The following SUCLG2 variants were observed in gnomAD, a reference collection of about 807,000 sequenced individuals.
The protein encoded by SUCLG2 is succinate--CoA ligase [GDP-forming] subunit beta, mitochondrial.
In SUCLG2, 42 loss-of-function variants were observed where a neutral mutation model predicts 47.9. That is an observed-to-expected ratio of 0.88 (90% CI 0.69 to 1.14). The LOEUF is 1.14. SUCLG2 is among the 50% of genes most tolerant of loss of function. The pLI, the probability that SUCLG2 is intolerant of heterozygous loss-of-function variation, is 0.00. For missense variants in SUCLG2, 571 were observed against 525.9 expected (o/e 1.09, Z -0.84); for synonymous variants, 195 against 197.3 (o/e 0.99, Z 0.10).
Position 67,375,489 on chromosome 3 carries a change from A to C in SUCLG2, c.*255T>G. The C allele has an allele frequency of 8.5e-7, 1 of 1,175,252 alleles. No individual in the cohort carries two copies. Among genetic ancestry groups the C allele is most frequent in the Non-Finnish European group, 1.1e-6 (1 of 948,878 alleles). 72.8% of individuals were successfully genotyped at this position (1,175,252 alleles called of 1,614,324 possible). A position where few individuals can be genotyped will look rare whatever the true frequency, so the allele number is the denominator to read the frequency against. On this transcript the variant is annotated 3_prime_UTR_variant, in exon 11 of 11. Coordinates refer to ENST00000307227, the MANE Select transcript of SUCLG2 (RefSeq NM_003848.4). ...TAGACCACTCCCCAAAGTCTGCAAA[A>C]CACTGCCTACTGGGCAGGCTTACAG...
At chr3:67,469,359 G>A (rs984297324) in intron 9 of SUCLG2, among the ~76,000 whole-genome samples, 1 of 152,152 alleles carries the variant, frequency 6.6e-6, no homozygotes, top group African/African-American at 2.4e-5. Context: ...TCAAGGAGAG[G>A]ATACCCTGAA....
intron 8 of SUCLG2, among the ~76,000 whole-genome samples, chr3:67,496,271 G>A (rs1379073278): frequency 2.0e-5 from 3 of 152,190 alleles, no homozygotes; most frequent in African/African-American, 7.2e-5. Context: ...TTTAGGTTCT[G>A]CAAAGTGTAA....
chr3:67,449,984 C>G (rs764597206), intron 9 of SUCLG2, among the ~76,000 whole-genome samples: 3 of 151,912 alleles, frequency 2.0e-5, no homozygotes, highest in Non-Finnish European at 2.9e-5. Context: ...CGAAAAATAA[C>G]ATATTAATTC....
chr3:67,587,800 A>G (rs933278353), intron 2 of SUCLG2, among the ~76,000 whole-genome samples: 1 of 152,198 alleles, frequency 6.6e-6, no homozygotes, highest in African/African-American at 2.4e-5. Context: ...ATTGACAAAT[A>G]TTTTTATCCA....
chr3:67,393,468 G>A (rs987016367), intron 10 of SUCLG2, among the ~76,000 whole-genome samples: 8 of 152,220 alleles, frequency 5.3e-5, no homozygotes, highest in Non-Finnish European at 8.8e-5. Flanking sequence ...GAGGCTGGGG[G>A]AGGGGTGCCT....
chr3:67,594,379 C>A (rs1177182967), intron 2 of SUCLG2, among the ~76,000 whole-genome samples: 1 of 152,196 alleles, frequency 6.6e-6, no homozygotes, highest in African/African-American at 2.4e-5. Flanking sequence ...TCATTCTCAC[C>A]GATCCCCTTT....
intron 2 of SUCLG2, among the ~76,000 whole-genome samples, chr3:67,565,583 C>T (rs188452274): frequency 9.2e-5 from 14 of 152,264 alleles, no homozygotes; most frequent in Admixed American, 2.0e-4. Flanking sequence ...ATGCCACTGC[C>T]CCTGAGAAGC....
chr3:67,496,105 G>C (rs924771498), intron 8 of SUCLG2, among the ~76,000 whole-genome samples, 165 bp from the exon 9 acceptor site: 1 of 152,004 alleles, frequency 6.6e-6, no homozygotes, highest in Non-Finnish European at 1.5e-5. Context: ...TAGACTTTTA[G>C]GATAAAGAAT....
chr3:67,434,675 GA>G (rs1703573314), intron 9 of SUCLG2, among the ~76,000 whole-genome samples: 1 of 152,240 alleles, frequency 6.6e-6, no homozygotes, highest in Non-Finnish European at 1.5e-5. Flanking sequence ...CTGGTTGGGA[GA>G]AGGGTAGATG....
intron 2 of SUCLG2, among the ~76,000 whole-genome samples, chr3:67,605,896 C>T (rs1700405355): frequency 6.6e-6 from 1 of 151,968 alleles, no homozygotes; most frequent in Non-Finnish European, 1.5e-5. Context: ...ATTGCTCATT[C>T]CTCCAGAGCA....
intron 1 of SUCLG2, among the ~76,000 whole-genome samples, chr3:67,635,249 T>G (rs1559606617): frequency 6.6e-6 from 1 of 152,208 alleles, no homozygotes; most frequent in Non-Finnish European, 1.5e-5. Flanking sequence ...AAAATTCATA[T>G]CAAATTCCTG....
At chr3:67,444,131 G>T in intron 9 of SUCLG2, among the ~76,000 whole-genome samples, 1 of 73,550 alleles carries the variant, frequency 1.4e-5, no homozygotes, top group Non-Finnish European at 3.0e-5. Context: ...CCCCCGCCTG[G>T]CCAGCCGTGC....
At chr3:67,365,409 G>C (rs1371756901) in intron 10 of SUCLG2, among the ~76,000 whole-genome samples, 4 of 152,214 alleles carry the variant, frequency 2.6e-5, no homozygotes, top group Non-Finnish European at 5.9e-5. Context: ...TTTTTAACCT[G>C]TGAAAAGGAC....
In SUCLG2 at chr3:67,537,300, ATGAG is replaced by A. The variant is rs371548570; in HGVS notation, c.227-8118_227-8115del. Among the ~76,000 whole-genome samples, 449 of 151,966 alleles carry A rather than the reference ATGAG, an allele frequency of 3.0e-3. 5 individuals carry two copies. The highest frequency in any genetic ancestry group is 9.2e-3 in the African/African-American group (379 of 41,412). ...TGTTCTCATTGCTCAACTCCCACTTATGAGTGAGTACATGCACTGTGTGGTTTAC... is the reference window on the plus strand; with the variant it reads ...TGTTCTCATTGCTCAACTCCCACTTATGAGTACATGCACTGTGTGGTTTAC... On this transcript the variant is annotated intron_variant, in intron 2 of 10. Coordinates refer to ENST00000307227, the MANE Select transcript of SUCLG2 (RefSeq NM_003848.4).
rs150440978 is a variant in SUCLG2 at position 67,441,729 on chromosome 3, G to A, written c.1063-40878C>T. Among the ~76,000 whole-genome samples the A allele has an allele frequency of 6.6e-5, 10 of 152,308 alleles. No individual in the cohort carries two copies. The East Asian group carries it at 1.9e-3, about 29-fold the overall frequency. On this transcript the variant is annotated intron_variant, in intron 9 of 10. Coordinates refer to ENST00000307227, the MANE Select transcript of SUCLG2 (RefSeq NM_003848.4). Reference sequence around the variant, plus strand: ...AGATGACATTGCTAGAAGTGGCAGAGTTCAAGCCACTTCCAACATACTTGC... The same window carrying A: ...AGATGACATTGCTAGAAGTGGCAGAATTCAAGCCACTTCCAACATACTTGC...
At chr3:67,581,809 C>G (rs545436893) in intron 2 of SUCLG2, among the ~76,000 whole-genome samples, 1 of 152,026 alleles carries the variant, frequency 6.6e-6, no homozygotes, top group Non-Finnish European at 1.5e-5. Flanking sequence ...ATAGAAAGAC[C>G]CGGTGGTATT....
At chr3:67,468,988 T>G (rs536598546) in intron 9 of SUCLG2, among the ~76,000 whole-genome samples, 2 of 152,178 alleles carry the variant, frequency 1.3e-5, no homozygotes, top group African/African-American at 4.8e-5. Context: ...CATAATTACA[T>G]TCAGCTAAGA....
intron 9 of SUCLG2, among the ~76,000 whole-genome samples, chr3:67,484,711 C>T (rs868576157): frequency 5.3e-5 from 8 of 151,998 alleles, no homozygotes; most frequent in Middle Eastern, 6.8e-3. Context: ...GATTATTCAG[C>T]GGTGAGGACT....
intron 7 of SUCLG2, among the ~76,000 whole-genome samples, chr3:67,506,576 A>T (rs1458787500): frequency 6.6e-6 from 1 of 152,296 alleles, no homozygotes; most frequent in African/African-American, 2.4e-5. Flanking sequence ...AAAGGTTCCC[A>T]TACCCCTGTT....
Sources: gnomAD v4.1 joint callset for allele counts (sites outside exome capture counted in the v4.1 genomes callset) on GRCh38, gnomAD v4.1.1 for gene constraint, MANE v1.5 for transcripts, NCBI Gene and HGNC (gene_info 2026-07-23, HGNC 2026-07-21) for gene names.